The following HPR variants were observed in gnomAD, a reference collection of about 807,000 sequenced individuals.
HPR encodes Haptoglobin-related locus.
A neutral mutation model predicts 18.5 loss-of-function variants in HPR; 17 were observed. The observed-to-expected ratio is 0.92, with a 90% CI of 0.63 to 1.38. The LOEUF (loss-of-function observed/expected upper bound fraction) is 1.38, where lower values mean the gene tolerates loss of function less well. Among genes scored for constraint, HPR ranks in the 40% most tolerant of loss-of-function variants. The pLI, the probability that HPR is intolerant of heterozygous loss-of-function variation, is 0.00. For missense variants in HPR, 457 were observed against 432.4 expected, an observed-to-expected ratio of 1.06 and a Z score of -0.51; for synonymous variants, 176 against 165.0, an observed-to-expected ratio of 1.07 and a Z score of -0.51.
chr16:72,076,356 C>G lies in HPR; in HGVS notation c.322C>G (p.His108Asp). 6.2e-7 allele frequency: 1 copy of G among 1,613,996 alleles called. No individual in the cohort carries two copies. Among genetic ancestry groups the G allele is most frequent in the Non-Finnish European group, 8.5e-7 (1 of 1,179,962 alleles). ...ANPVQRILGGHLDAKGSFPWQ... is the reference protein window; with the variant it reads ...ANPVQRILGGDLDAKGSFPWQ... ...CCCAGTGCAGCGGATCCTGGGTGGACACCTGGATGCCAAAGGCAGCTTTCC... is the reference window on the plus strand; with the variant it reads ...CCCAGTGCAGCGGATCCTGGGTGGAGACCTGGATGCCAAAGGCAGCTTTCC... The change falls in exon 5 of 5, where the codon CAC becomes GAC. Residue 108 changes from histidine (H) to aspartate (D), a missense_variant. Coordinates refer to ENST00000540303, the MANE Select transcript of HPR (RefSeq NM_020995.4).
At chr16:72,068,601 T>C (rs2041622132) in intron 1 of HPR, among the ~76,000 whole-genome samples, 1 of 152,082 alleles carries the variant, frequency 6.6e-6, no homozygotes, top group Non-Finnish European at 1.5e-5. Flanking sequence ...GCGTGAAAAA[T>C]GGGGTGGCTT....
intron 2 of HPR, 29 bp downstream of exon 2, chr16:72,074,006 C>T: frequency 6.2e-7 from 1 of 1,613,586 alleles, no homozygotes; most frequent in Non-Finnish European, 8.5e-7. Flanking sequence ...TAGGAGCATG[C>T]ATCCCTGGCA....
Position 72,076,835 on chromosome 16 carries a change from G to C in HPR, c.801G>C (p.Lys267Asn). Reference sequence around the variant, plus strand: ...CATGCCCCAAATGGAAGGCACCGAAGAGCCCTGTAGGGGTGCAGCCCATAC... The same window carrying C: ...CATGCCCCAAATGGAAGGCACCGAACAGCCCTGTAGGGGTGCAGCCCATAC... ...GSTCPKWKAP[K>N]SPVGVQPILN... The change falls in exon 5 of 5, where the codon AAG (lysine) becomes AAC (asparagine). Residue 267 changes from lysine to asparagine, a missense_variant. Lys to Asn is a moderately conservative substitution (Grantham distance 94). Transcript: ENST00000540303. 6.2e-7 allele frequency: 1 copy of C among 1,614,254 alleles called. No homozygotes were observed. Among genetic ancestry groups the C allele is most frequent in the Non-Finnish European group, 8.5e-7 (1 of 1,180,048 alleles).
intron 1 of HPR, among the ~76,000 whole-genome samples, chr16:72,071,554 T>C (rs2041655894): frequency 6.6e-6 from 1 of 152,144 alleles, no homozygotes; most frequent in Non-Finnish European, 1.5e-5. Flanking sequence ...CGTTTCCCAA[T>C]GCCAATTTTA....
At chr16:72,072,996 G>A (rs2041673626) in intron 1 of HPR, among the ~76,000 whole-genome samples, 1 of 152,120 alleles carries the variant, frequency 6.6e-6, no homozygotes, top group African/African-American at 2.4e-5. Flanking sequence ...CTTCCCGCCA[G>A]TCGTTATCTA....
At chr16:72,070,910 G>T (rs915406663) in intron 1 of HPR, among the ~76,000 whole-genome samples, 4 of 152,136 alleles carry the variant, frequency 2.6e-5, no homozygotes, top group Admixed American at 2.6e-4. Context: ...AAGTTATGGG[G>T]ACTAAAACAG....
intron 1 of HPR, among the ~76,000 whole-genome samples, chr16:72,067,971 G>C (rs1364856543): frequency 6.6e-6 from 1 of 152,154 alleles, no homozygotes; most frequent in African/African-American, 2.4e-5. Flanking sequence ...AGAGAGCCGA[G>C]ACACATTTGC....
intron 1 of HPR, among the ~76,000 whole-genome samples, chr16:72,068,964 A>G (rs1318192270): frequency 2.0e-5 from 3 of 152,182 alleles, no homozygotes; most frequent in Non-Finnish European, 4.4e-5. Flanking sequence ...CTTTCAAAAC[A>G]GGACGGCACT....
chr16:72,074,351 T>C lies in HPR; in HGVS notation c.159T>C (p.Cys53=), dbSNP rs1401823283. 1.2e-6 allele frequency: 2 copies of C among 1,613,824 alleles called. No homozygotes were observed. The highest frequency in any genetic ancestry group is 1.3e-5 in the African/African-American group (1 of 74,918). ...TGGAGCACTTGTTTCGCTACCAGTG[T>C]AAGAACTACTACAGACTGCGCACAG... is the stretch of plus-strand genomic sequence containing the variant. ...GYVEHLFRYQ[C]KNYYRLRTEG... Residue 53 remains cysteine (C), a synonymous_variant, in exon 3 of 5, where the codon TGT becomes TGC. Transcript: ENST00000540303.
Position 72,076,475 on chromosome 16 carries a change from C to T in HPR, c.441C>T (p.Phe147=), listed in dbSNP as rs1412183501. The part of the protein sequence containing the change: ...QWLLTTAKNL[F]LNHSENATAK... ...TGCTGACCACGGCTAAAAATCTCTT[C>T]CTGAACCATTCAGAAAATGCAACAG... The change falls in exon 5 of 5, where the codon TTC becomes TTT. Residue 147 remains phenylalanine, a synonymous_variant. Coordinates refer to ENST00000540303, the MANE Select transcript of HPR (RefSeq NM_020995.4). 6.2e-7 allele frequency: 1 copy of T among 1,614,176 alleles called. No homozygotes were observed. The highest frequency in any genetic ancestry group is 8.5e-7 in the Non-Finnish European group (1 of 1,180,014).
At position 72,076,605 on chromosome 16, in the gene HPR, C is replaced by T; in HGVS notation, c.571C>T (p.Leu191Phe). ...TAACTACCACCAGGTAGATATTGGGCTCATCAAACTCAAACAGAAGGTGCT... is the reference window on the plus strand; with the variant it reads ...TAACTACCACCAGGTAGATATTGGGTTCATCAAACTCAAACAGAAGGTGCT... ...HPNYHQVDIG[L>F]IKLKQKVLVN... The change falls in exon 5 of 5, where the codon CTC becomes TTC. Residue 191 changes from leucine (L) to phenylalanine (F), a missense_variant. Coordinates refer to ENST00000540303, the MANE Select transcript of HPR (RefSeq NM_020995.4). 6.2e-7 allele frequency: 1 copy of T among 1,614,190 alleles called. No homozygotes were observed. The highest frequency in any genetic ancestry group is 8.5e-7 in the Non-Finnish European group (1 of 1,180,018).
At chr16:72,074,593 G>C (rs1357283836) in intron 3 of HPR, 2 of 720,274 alleles carry the variant, frequency 2.8e-6, no homozygotes, top group Admixed American at 2.0e-5. Context: ...GTTTTGTTAA[G>C]GGGAGGTGAT....
At chr16:72,073,279 C>G (rs1217992795) in intron 1 of HPR, among the ~76,000 whole-genome samples, 1 of 152,200 alleles carries the variant, frequency 6.6e-6, no homozygotes, top group Non-Finnish European at 1.5e-5. Flanking sequence ...CTATGAGGAG[C>G]AACCTTATGC....
chr16:72,067,420 G>T (rs1400500416), intron 1 of HPR, among the ~76,000 whole-genome samples: 1 of 152,142 alleles, frequency 6.6e-6, no homozygotes, highest in Non-Finnish European at 1.5e-5. Context: ...AACAACCCAG[G>T]TTCAATTTTT....
At chr16:72,070,987 C>A (rs2041649279) in intron 1 of HPR, among the ~76,000 whole-genome samples, 1 of 152,140 alleles carries the variant, frequency 6.6e-6, no homozygotes, top group African/African-American at 2.4e-5. Context: ...CCCCTCATTG[C>A]TAATTATAGC....
chr16:72,070,756 T>C (rs1227004822), intron 1 of HPR, among the ~76,000 whole-genome samples: 1 of 152,174 alleles, frequency 6.6e-6, no homozygotes, highest in Non-Finnish European at 1.5e-5. Context: ...GGAAGCTGTC[T>C]CATGTAGATA....
In HPR at chr16:72,077,115, A is replaced by T; in HGVS notation, c.*34A>T. The T allele has an allele frequency of 1.3e-6, 2 of 1,581,626 alleles. No individual in the cohort carries two copies. The highest frequency in any genetic ancestry group is 2.3e-5 in the South Asian group (2 of 86,644). On this transcript the variant is annotated 3_prime_UTR_variant, in exon 5 of 5. Transcript: ENST00000540303. ...TGGCCGGAAGCCCTTGCCTGAAAGC[A>T]AGATTTCAGCCTGGAAGAGGGCAAA...
chr16:72,065,625 AC>A (rs2041589839), intron 1 of HPR, among the ~76,000 whole-genome samples: 1 of 152,162 alleles, frequency 6.6e-6, no homozygotes, highest in Non-Finnish European at 1.5e-5. Context: ...CCATCCTCAA[AC>A]CCTCAATCTT....
chr16:72,076,264 G>C, intron 4 of HPR, 39 bp from the exon 5 acceptor site: 1 of 1,603,832 alleles, frequency 6.2e-7, no homozygotes. Context: ...AAAGGCTCTT[G>C]CACATTTCCA....
Sources: allele counts gnomAD v4.1 joint callset (sites outside exome capture counted in the v4.1 genomes callset), GRCh38; gene constraint gnomAD v4.1.1; transcripts MANE v1.5; gene names NCBI Gene and HGNC (gene_info 2026-07-23, HGNC 2026-07-21).